Variants in EVC observed in about 807,000 individuals in gnomAD.
EVC encodes the protein EvC ciliary complex subunit 1.
Under a neutral mutation model 118.9 loss-of-function variants are expected in EVC, and 116 were observed. That is an observed-to-expected ratio of 0.98 (90% CI 0.84 to 1.14). EVC has a LOEUF of 1.14. EVC is among the 50% of genes most tolerant of loss of function. The pLI is 0.00. For missense variants in EVC, 1,401 were observed against 1,246.4 expected (o/e 1.12, Z -1.87); for synonymous variants, 619 against 534.7 (o/e 1.16, Z -2.18).
chr4:5,730,738 T>TG (rs1726668598), intron 3 of EVC, among the ~76,000 whole-genome samples: 1 of 150,566 alleles, frequency 6.6e-6, no homozygotes, highest in African/African-American at 2.4e-5. Flanking sequence ...AAACAACAAA[T>TG]GGGGGGTGTT....
rs1410298643 is a variant in EVC at position 5,765,201 on chromosome 4, A to T, written c.1563+8839A>T. On this transcript the variant is annotated intron_variant, in intron 11 of 20. Transcript: ENST00000264956. ...GGAGCAGGTTGTTCAGTTTCCATGT[A>T]GTTGAGCGGTTTTGAGTGAGACTCT... Among the ~76,000 whole-genome samples, 2 of 117,272 alleles carry T rather than the reference A, an allele frequency of 1.7e-5. 1 individual carries two copies. The highest frequency in any genetic ancestry group is 6.7e-5 in the African/African-American group (2 of 30,068). The allele number at this position is 117,272 out of a possible 152,430, so 76.9% of individuals were successfully genotyped here.
chr4:5,731,365 T>G lies in EVC; in HGVS notation c.385-60T>G. The G allele has an allele frequency of 2.2e-6, 3 of 1,335,138 alleles. No individual in the cohort carries two copies. The South Asian group carries it at 3.5e-5, about 16-fold the overall frequency. The allele number at this position is 1,335,138 out of a possible 1,614,324, so 82.7% of individuals were successfully genotyped here. ...CGTGAATCACTGGTAGAATTATGAA[T>G]ACTAGATCAAATCCCAGAGGCATCA... On this transcript the variant is annotated intron_variant, in intron 3 of 20. Transcript: ENST00000264956. The surrounding 1 kb of genome is among the most constrained non-coding windows in gnomAD (Gnocchi z 5.6).
At position 5,810,325 on chromosome 4, in the gene EVC, T is replaced by C; in HGVS notation, c.2783-14T>C. 6.2e-7 allele frequency: 1 copy of C among 1,603,524 alleles called. No homozygotes were observed. The highest frequency in any genetic ancestry group is 2.2e-5 in the East Asian group (1 of 44,770). On this transcript the variant is annotated splice_polypyrimidine_tract_variant and intron_variant, in intron 19 of 20. Transcript: ENST00000264956. The stretch of plus-strand genomic sequence containing the variant: ...AGTCACAGAGCCATGCCTGGGTTCA[T>C]CTGTCCTCTACAGAGAAGCCCCTAA...
In EVC at chr4:5,756,113, C is replaced by A; in HGVS notation, c.1465-151C>A. The A allele has an allele frequency of 1.5e-6, 1 of 671,070 alleles. No homozygotes were observed. The highest frequency in any genetic ancestry group is 2.6e-6 in the Non-Finnish European group (1 of 377,394). 41.6% of individuals were successfully genotyped at this position (671,070 alleles called of 1,614,324 possible). On this transcript the variant is annotated intron_variant, in intron 10 of 20. Coordinates refer to ENST00000264956, the MANE Select transcript of EVC (RefSeq NM_153717.3). The surrounding 1 kb of genome is among the most constrained non-coding windows in gnomAD (Gnocchi z 4.2). Reference sequence around the variant, plus strand: ...GGCATCAGCTGTGAAAGCCATGTGACAGCCCCATGCCTCAGTTTCCTTGTG... The same window carrying A: ...GGCATCAGCTGTGAAAGCCATGTGAAAGCCCCATGCCTCAGTTTCCTTGTG...
At chr4:5,783,905 T>C in intron 12 of EVC, 141 bp downstream of exon 12, 1 of 776,516 alleles carries the variant, frequency 1.3e-6, no homozygotes, top group Non-Finnish European at 2.2e-6. Flanking sequence ...CCTTTCACAA[T>C]GGCCCACCAC....
intron 4 of EVC, among the ~76,000 whole-genome samples, chr4:5,732,648 A>G (rs373699813): frequency 6.6e-6 from 1 of 152,208 alleles, no homozygotes; most frequent in Non-Finnish European, 1.5e-5. Flanking sequence ...CAGTTTCTGC[A>G]TCTGTAAAAT....
At chr4:5,775,422 A>C (rs1281880097) in intron 11 of EVC, among the ~76,000 whole-genome samples, 1 of 152,134 alleles carries the variant, frequency 6.6e-6, no homozygotes, top group East Asian at 1.9e-4. Context: ...GCCATCATCC[A>C]GCTGATACAG....
intron 17 of EVC, 26 bp from the exon 18 acceptor site, chr4:5,808,175 C>A (rs1716292894): frequency 2.1e-6 from 3 of 1,460,034 alleles, no homozygotes; most frequent in Non-Finnish European, 2.8e-6. Flanking sequence ...TCCTCCCTGC[C>A]AGCCTGCCTG....
At chr4:5,725,063 T>C (rs912564542) in intron 2 of EVC, among the ~76,000 whole-genome samples, 3 of 152,236 alleles carry the variant, frequency 2.0e-5, no homozygotes, top group Non-Finnish European at 4.4e-5. Flanking sequence ...ATCTTGTTCC[T>C]TTTTATGGCT....
chr4:5,771,506 G>C (rs749872087), intron 11 of EVC, among the ~76,000 whole-genome samples: 1 of 152,220 alleles, frequency 6.6e-6, no homozygotes, highest in Non-Finnish European at 1.5e-5. Flanking sequence ...ACCATGTAAA[G>C]TTCCGTGCTC....
At chr4:5,723,117 A>G (rs1725233100) in intron 2 of EVC, among the ~76,000 whole-genome samples, 1 of 151,196 alleles carries the variant, frequency 6.6e-6, no homozygotes, top group Non-Finnish European at 1.5e-5. Context: ...TCTGATGCCC[A>G]TTTCCCGGCT....
chr4:5,783,590 C>T lies in EVC; in HGVS notation c.1602C>T (p.Phe534=), dbSNP rs766294209. 8 of 1,614,142 alleles carry T rather than the reference C, an allele frequency of 5.0e-6. No homozygotes were observed. The highest frequency in any genetic ancestry group is 2.2e-5 in the South Asian group (2 of 91,070). ...GCACCGTGGACACTTTCCAGAAGTT[C>T]GTGGATGCCCTGTTCCTTCAGACGC... ...YFSTVDTFQK[F]VDALFLQTLP... Residue 534 remains phenylalanine (F), a synonymous_variant, in exon 12 of 21, where the codon TTC becomes TTT. Transcript: ENST00000264956.
At position 5,743,648 on chromosome 4, in the gene EVC, G is replaced by A. The variant is rs1455838094; in HGVS notation, c.802-1556G>A. On this transcript the variant is annotated intron_variant, in intron 6 of 20. Coordinates refer to ENST00000264956, the MANE Select transcript of EVC (RefSeq NM_153717.3). The surrounding 1 kb of genome is among the most constrained non-coding windows in gnomAD (Gnocchi z 4.7). ...AGGAATGTTTCTTCTTTACTCCACT[G>A]GATTCCATGAGGAAGGATGACTCAC... 6.6e-6 allele frequency among the ~76,000 whole-genome samples: 1 copy of A among 152,104 alleles called. No homozygotes were observed. The highest frequency in any genetic ancestry group is 2.4e-5 in the African/African-American group (1 of 41,410).
In EVC at chr4:5,719,405, G is replaced by C. The variant is rs764017884; in HGVS notation, c.300+32G>C. 5 of 1,613,790 alleles carry C rather than the reference G, an allele frequency of 3.1e-6. No homozygotes were observed. Among genetic ancestry groups the C allele is most frequent in the South Asian group, 2.2e-5 (2 of 91,064 alleles). ...TTGGTGTTGATGTTTGTTTGTGGAG[G>C]CACATGTGGGAGGTGGGGTATTCCC... On this transcript the variant is annotated intron_variant, in intron 2 of 20. Transcript: ENST00000264956. The surrounding 1 kb of genome is among the most constrained non-coding windows in gnomAD (Gnocchi z 4.7).
Position 5,715,299 on chromosome 4 carries a change from G to A in EVC, c.174+3745G>A, listed in dbSNP as rs187806924. Among the ~76,000 whole-genome samples the A allele has an allele frequency of 2.9e-3, 436 of 152,316 alleles. 2 individuals are homozygous for A. The highest frequency in any genetic ancestry group is 5.2e-3 in the Non-Finnish European group (351 of 68,030). On this transcript the variant is annotated intron_variant, in intron 1 of 20. Coordinates refer to ENST00000264956, the MANE Select transcript of EVC (RefSeq NM_153717.3). ...GTTTGAGCTGGTTATTCTCTAGACA[G>A]CTCTCTAAAGTGTGGACCAGACCAG...
At chr4:5,762,976 C>A (rs1013364025) in intron 11 of EVC, among the ~76,000 whole-genome samples, 7 of 103,808 alleles carry the variant, frequency 6.7e-5, no homozygotes, top group East Asian at 5.8e-4. Context: ...AAGTCCTTGC[C>A]CATGCCTATC....
intron 11 of EVC, among the ~76,000 whole-genome samples, chr4:5,782,575 G>A (rs1437177090): frequency 1.4e-5 from 2 of 146,980 alleles, no homozygotes; most frequent in Admixed American, 6.8e-5. Context: ...AAAGATGTGA[G>A]CGGTGGATTC....
chr4:5,796,453 A>G (rs1560423663), intron 13 of EVC, among the ~76,000 whole-genome samples: 2 of 151,940 alleles, frequency 1.3e-5, no homozygotes, highest in Non-Finnish European at 1.5e-5. Context: ...ATGGTGGGAG[A>G]TTCACTCCAC....
Position 5,749,720 on chromosome 4 carries a change from C to G in EVC, c.1098+1414C>G, listed in dbSNP as rs986084653. 7.9e-5 allele frequency among the ~76,000 whole-genome samples: 12 copies of G among 152,166 alleles called. No homozygotes were observed. The highest frequency in any genetic ancestry group is 2.9e-4 in the African/African-American group (12 of 41,438). On this transcript the variant is annotated intron_variant, in intron 8 of 20. Coordinates refer to ENST00000264956, the MANE Select transcript of EVC (RefSeq NM_153717.3). This position sits in a 1 kb window ranked among gnomAD's most constrained non-coding sequence, Gnocchi z 4.4. ...CTGATGCTGCCCTGCACCCATTTCC[C>G]CGTCCTGTGCACCAGCCCGTGTGGC...
Sources: allele counts gnomAD v4.1 joint callset (sites outside exome capture counted in the v4.1 genomes callset), GRCh38; gene constraint gnomAD v4.1.1; non-coding constraint Gnocchi (gnomAD v3.1); transcripts MANE v1.5; gene names NCBI Gene and HGNC (gene_info 2026-07-23, HGNC 2026-07-21).